DACH1: variants seen among roughly 807,000 people sequenced by gnomAD.
DACH1 encodes dachshund family transcription factor 1, also known as dachshund homolog 1.
DACH1 carries 12 observed loss-of-function variants against 54.2 expected under a neutral mutation model. The observed-to-expected ratio is 0.22, with a 90% CI of 0.14 to 0.36. The LOEUF is 0.36. Among genes scored for constraint, DACH1 ranks in the 10% least tolerant of loss-of-function variants. The pLI is 1.00. For synonymous variants in DACH1, 386 were observed against 366.2 expected (o/e 1.05, Z -0.62); for missense variants, 805 against 929.8 (o/e 0.87, Z 1.75).
At chr13:71,474,479 A>C (rs1877345025) in intron 10 of DACH1, among the ~76,000 whole-genome samples, 3 of 152,160 alleles carry the variant, frequency 2.0e-5, no homozygotes, top group Admixed American at 1.3e-4. Flanking sequence ...CGTCTGGAAT[A>C]GATGTTTGCC....
intron 2 of DACH1, among the ~76,000 whole-genome samples, chr13:71,674,657 C>T (rs992927138): frequency 1.4e-5 from 2 of 139,862 alleles, no homozygotes; most frequent in Non-Finnish European, 3.1e-5. Context: ...ATTTTGGACT[C>T]GCAACCTCCA....
At chr13:71,698,481 C>T (rs972211484) in intron 1 of DACH1, among the ~76,000 whole-genome samples, 1 of 151,886 alleles carries the variant, frequency 6.6e-6, no homozygotes, top group East Asian at 1.9e-4. Flanking sequence ...GCTACTTAAA[C>T]CAACACTTTT....
At chr13:71,814,659 G>T (rs975337767) in intron 1 of DACH1, among the ~76,000 whole-genome samples, 4 of 152,140 alleles carry the variant, frequency 2.6e-5, no homozygotes, top group African/African-American at 9.7e-5. Flanking sequence ...TTTGAAAAGT[G>T]GAAATATTAA....
At chr13:71,763,072 A>C (rs1885471620) in intron 1 of DACH1, among the ~76,000 whole-genome samples, 1 of 152,192 alleles carries the variant, frequency 6.6e-6, no homozygotes, top group Non-Finnish European at 1.5e-5. Flanking sequence ...TCAGTGTCAT[A>C]ATCTTCATCC....
intron 6 of DACH1, among the ~76,000 whole-genome samples, chr13:71,535,816 T>C (rs1275084512): frequency 4.6e-5 from 7 of 152,042 alleles, no homozygotes; most frequent in Non-Finnish European, 1.5e-5. Flanking sequence ...TTATATGATT[T>C]TTTTTAAAAA....
intron 3 of DACH1, among the ~76,000 whole-genome samples, chr13:71,609,545 T>G (rs1182489470): frequency 6.6e-6 from 1 of 152,128 alleles, no homozygotes; most frequent in Admixed American, 6.6e-5. Flanking sequence ...AGTTGACTTT[T>G]TTTTTTTCTT....
chr13:71,737,414 A>G (rs1332515142), intron 1 of DACH1, among the ~76,000 whole-genome samples: 1 of 152,136 alleles, frequency 6.6e-6, no homozygotes, highest in Non-Finnish European at 1.5e-5. Context: ...TACCCTCCCC[A>G]CATAGGGACA....
chr13:71,685,582 C>T (rs1477643535), intron 1 of DACH1, among the ~76,000 whole-genome samples: 1 of 152,226 alleles, frequency 6.6e-6, no homozygotes, highest in Non-Finnish European at 1.5e-5. Context: ...TCTATCCCTT[C>T]ACAACCTACA....
At chr13:71,529,367 A>T (rs1882256814) in intron 6 of DACH1, among the ~76,000 whole-genome samples, 1 of 151,740 alleles carries the variant, frequency 6.6e-6, no homozygotes, top group African/African-American at 2.4e-5. Context: ...TTGTATTTTT[A>T]GTAGAAATGG....
At chr13:71,720,637 G>A (rs1200311911) in intron 1 of DACH1, among the ~76,000 whole-genome samples, 1 of 152,114 alleles carries the variant, frequency 6.6e-6, no homozygotes, top group Non-Finnish European at 1.5e-5. Flanking sequence ...TCCTTTGCCT[G>A]CTAACATGTA....
intron 3 of DACH1, among the ~76,000 whole-genome samples, chr13:71,598,508 CT>C (rs781646798): frequency 5.9e-5 from 9 of 152,178 alleles, no homozygotes; most frequent in Admixed American, 1.3e-4. Flanking sequence ...CCACCTCAGC[CT>C]CCCAAAGTGC....
At chr13:71,803,966 C>T (rs1887387670) in intron 1 of DACH1, among the ~76,000 whole-genome samples, 1 of 152,112 alleles carries the variant, frequency 6.6e-6, no homozygotes. Context: ...AGGTACTATG[C>T]TGAGAAGGCT....
chr13:71,834,314 AACGTTATG>A (rs1888699933), intron 1 of DACH1, among the ~76,000 whole-genome samples: 1 of 152,030 alleles, frequency 6.6e-6, no homozygotes, highest in Non-Finnish European at 1.5e-5. Context: ...TGATACAGCA[AACGTTATG>A]ATATAAAAAC....
At chr13:71,490,121 C>A (rs987200972) in intron 6 of DACH1, among the ~76,000 whole-genome samples, 1 of 152,056 alleles carries the variant, frequency 6.6e-6, no homozygotes, top group African/African-American at 2.4e-5. Flanking sequence ...TCATATTTCA[C>A]CCCAGGAAAA....
chr13:71,493,144 A>G (rs1593782165), intron 6 of DACH1, among the ~76,000 whole-genome samples: 2 of 152,096 alleles, frequency 1.3e-5, no homozygotes, highest in East Asian at 3.9e-4. Context: ...GACCTAACAA[A>G]AAGAATACAA....
At chr13:71,698,312 T>C (rs1294566728) in intron 1 of DACH1, among the ~76,000 whole-genome samples, 1 of 152,166 alleles carries the variant, frequency 6.6e-6, no homozygotes, top group African/African-American at 2.4e-5. Context: ...AGATTTACAA[T>C]TTCACTAGCA....
intron 1 of DACH1, among the ~76,000 whole-genome samples, chr13:71,697,916 A>G (rs777608066): frequency 2.0e-5 from 3 of 152,236 alleles, no homozygotes; most frequent in Non-Finnish European, 4.4e-5. Context: ...TACAGATTAC[A>G]AATGAGTAAA....
intron 6 of DACH1, among the ~76,000 whole-genome samples, chr13:71,552,336 C>T (rs1243409119): frequency 6.6e-6 from 1 of 152,024 alleles, no homozygotes; most frequent in East Asian, 1.9e-4. Flanking sequence ...TTAGTCACAA[C>T]TATAAATGCT....
rs1873778568 is a variant in DACH1, at chr13:71,439,129, T to C, written c.*1526A>G. ...TTTAAACATTTTAAGCTAGTTTTCT[T>C]AGACATTGAAGATTTTGCTGTTTTG... On this transcript the variant is annotated 3_prime_UTR_variant, in exon 11 of 11. Transcript: ENST00000613252. 6.6e-6 allele frequency: 1 copy of C among 152,454 alleles called. No homozygotes were observed. Among genetic ancestry groups the C allele is most frequent in the Non-Finnish European group, 1.5e-5 (1 of 67,912 alleles). 9.4% of individuals were successfully genotyped at this position (152,454 alleles called of 1,614,324 possible).
Sources: allele counts gnomAD v4.1 joint callset (sites outside exome capture counted in the v4.1 genomes callset), GRCh38; gene constraint gnomAD v4.1.1; transcripts MANE v1.5; gene names NCBI Gene and HGNC (gene_info 2026-07-23, HGNC 2026-07-21).